The following CENPW variants were observed in gnomAD, a reference collection of about 807,000 sequenced individuals.
CENPW encodes centromere protein W, also known as cancer-up-regulated gene 2 protein.
In CENPW, 3 loss-of-function variants were observed where a neutral mutation model predicts 11.1. The observed-to-expected ratio is 0.27, with a 90% CI of 0.12 to 0.70. CENPW has a LOEUF of 0.70. CENPW is among the 30% of genes least tolerant of loss of function. The pLI, the probability that CENPW is intolerant of heterozygous loss-of-function variation, is 0.77. For synonymous variants in CENPW, 38 were observed against 42.0 expected, an observed-to-expected ratio of 0.91 and a Z score of 0.37; for missense variants, 100 against 105.6, an observed-to-expected ratio of 0.95 and a Z score of 0.23.
the CENPW span, among the ~76,000 whole-genome samples, chr6:126,424,468 A>G: frequency 6.6e-6 from 1 of 152,182 alleles, no homozygotes; most frequent in Non-Finnish European, 1.5e-5. Flanking sequence ...AGAATGGACT[A>G]GGACATGCAG....
chr6:126,412,082 T>G, the CENPW span, among the ~76,000 whole-genome samples: 3 of 14,162 alleles, frequency 2.1e-4, no homozygotes, highest in African/African-American at 5.2e-4. Flanking sequence ...TTTCTCTCTC[T>G]CTCTCTCCTT....
At chr6:126,419,083 A>G in the CENPW span, among the ~76,000 whole-genome samples, 1 of 152,064 alleles carries the variant, frequency 6.6e-6, no homozygotes, top group African/African-American at 2.4e-5. Flanking sequence ...AAAGTATAAT[A>G]AAATATATAT....
the CENPW span, among the ~76,000 whole-genome samples, chr6:126,443,611 G>A: frequency 2.0e-5 from 3 of 151,174 alleles, no homozygotes; most frequent in Admixed American, 2.0e-4. Context: ...TAACTAGTAA[G>A]TTTATTCTAT....
the CENPW span, among the ~76,000 whole-genome samples, chr6:126,460,840 G>T: frequency 1.3e-5 from 2 of 151,716 alleles, no homozygotes; most frequent in Non-Finnish European, 2.9e-5. Flanking sequence ...GGCCATGCAG[G>T]CCCAACAAGG....
At chr6:126,443,777 G>T in the CENPW span, among the ~76,000 whole-genome samples, 1 of 150,898 alleles carries the variant, frequency 6.6e-6, no homozygotes, top group Non-Finnish European at 1.5e-5. Flanking sequence ...TATTACTACT[G>T]CTCCTTATAT....
At chr6:126,479,611 G>C in the CENPW span, among the ~76,000 whole-genome samples, 1 of 151,980 alleles carries the variant, frequency 6.6e-6, no homozygotes, top group African/African-American at 2.4e-5. Flanking sequence ...TGGGAAGTAA[G>C]GGATCACAGA....
the CENPW span, among the ~76,000 whole-genome samples, chr6:126,419,571 C>T: frequency 6.6e-6 from 1 of 152,238 alleles, no homozygotes; most frequent in South Asian, 2.1e-4. Context: ...TAGTATTCTA[C>T]TGCTGCTATA....
the CENPW span, among the ~76,000 whole-genome samples, chr6:126,419,839 CTCTTA>C: frequency 2.0e-5 from 3 of 152,140 alleles, no homozygotes; most frequent in Non-Finnish European, 4.4e-5. Context: ...TCCCACTTTT[CTCTTA>C]TAAGAATCCT....
At chr6:126,438,055 A>T in the CENPW span, among the ~76,000 whole-genome samples, 1 of 151,562 alleles carries the variant, frequency 6.6e-6, no homozygotes, top group Non-Finnish European at 1.5e-5. Context: ...GACCTTTAAA[A>T]TTGCCATGAT....
the CENPW span, among the ~76,000 whole-genome samples, chr6:126,369,469 A>G: frequency 2.0e-5 from 3 of 152,210 alleles, no homozygotes; most frequent in South Asian, 4.1e-4. Context: ...GATTATGGCC[A>G]TTCTTACAGG....
the CENPW span, among the ~76,000 whole-genome samples, chr6:126,420,367 G>C: frequency 6.6e-6 from 1 of 152,172 alleles, no homozygotes; most frequent in South Asian, 2.1e-4. Context: ...TTTGCATCAA[G>C]TATCTTCTTT....
At chr6:126,474,617 A>G in the CENPW span, among the ~76,000 whole-genome samples, 1 of 152,168 alleles carries the variant, frequency 6.6e-6, no homozygotes, top group Non-Finnish European at 1.5e-5. Flanking sequence ...GTAAGCCACT[A>G]TCATTCTTAA....
At chr6:126,449,526 C>G in the CENPW span, among the ~76,000 whole-genome samples, 8 of 151,088 alleles carry the variant, frequency 5.3e-5, no homozygotes, top group Non-Finnish European at 7.4e-5. Context: ...AGTAAGACAA[C>G]TCAGAGCTCA....
At chr6:126,410,331 G>A in the CENPW span, among the ~76,000 whole-genome samples, 1 of 151,928 alleles carries the variant, frequency 6.6e-6, no homozygotes, top group Non-Finnish European at 1.5e-5. Context: ...TTTTCTCCTG[G>A]CATATAAGGT....
the CENPW span, among the ~76,000 whole-genome samples, chr6:126,421,403 G>A: frequency 7.2e-5 from 11 of 151,986 alleles, no homozygotes; most frequent in Admixed American, 6.6e-5. Flanking sequence ...ATTATGAAAT[G>A]TGTTGCTACA....
At chr6:126,423,481 C>G in the CENPW span, among the ~76,000 whole-genome samples, 5 of 152,014 alleles carry the variant, frequency 3.3e-5, no homozygotes, top group Admixed American at 1.3e-4. Flanking sequence ...AGGCAAGAAG[C>G]TAAAGTCTAC....
chr6:126,448,366 T>C, the CENPW span, among the ~76,000 whole-genome samples: 1 of 151,072 alleles, frequency 6.6e-6, no homozygotes, highest in Non-Finnish European at 1.5e-5. Flanking sequence ...ATTTTAACAA[T>C]ATATGTGGGC....
At chr6:126,363,646 G>C in the CENPW span, among the ~76,000 whole-genome samples, 145 of 152,264 alleles carry the variant, frequency 9.5e-4, 1 homozygote, top group African/African-American at 3.4e-3. Context: ...GTAGCAGTTA[G>C]CCTGTACCAT....
At chr6:126,423,393 T>C in the CENPW span, among the ~76,000 whole-genome samples, 1 of 152,126 alleles carries the variant, frequency 6.6e-6, no homozygotes, top group Non-Finnish European at 1.5e-5. Context: ...AGTATGACAC[T>C]TCAGGGACTC....
Sources: allele counts gnomAD v4.1 joint callset (sites outside exome capture counted in the v4.1 genomes callset), GRCh38; gene constraint gnomAD v4.1.1; transcripts MANE v1.5; gene names NCBI Gene and HGNC (gene_info 2026-07-23, HGNC 2026-07-21).